Variants in DCAF1 observed in about 807,000 individuals in gnomAD.
DCAF1 encodes DDB1 and CUL4 associated factor 1, also known as DDB1- and CUL4-associated factor 1.
In DCAF1, 15 loss-of-function variants were observed where a neutral mutation model predicts 128.0. The observed-to-expected ratio is 0.12, with a 90% CI of 0.08 to 0.18. The LOEUF (loss-of-function observed/expected upper bound fraction) is 0.18, where lower values mean the gene tolerates loss of function less well. Ranked by LOEUF, DCAF1 falls within the 10% of genes least tolerant of loss-of-function variation. The pLI is 1.00. For missense variants in DCAF1, 988 were observed against 1,649.5 expected (o/e 0.60, Z 6.95); for synonymous variants, 610 against 603.0 (o/e 1.01, Z -0.17).
intron 3 of DCAF1, among the ~76,000 whole-genome samples, chr3:51,480,188 A>C (rs1706000841): frequency 6.6e-6 from 1 of 152,060 alleles, no homozygotes; most frequent in African/African-American, 2.4e-5. Context: ...AAGGTTTTAC[A>C]GACATGATTC....
intron 22 of DCAF1, 109 bp downstream of exon 22, chr3:51,412,884 G>T: frequency 1.3e-6 from 2 of 1,487,816 alleles, no homozygotes; most frequent in East Asian, 2.4e-5. Flanking sequence ...TCTACCTTCA[G>T]GAATGTATTG....
rs1704178514 is a variant in DCAF1 at position 51,466,884 on chromosome 3, G to A, written c.188-8C>T. On this transcript the variant is annotated splice_region_variant and splice_polypyrimidine_tract_variant and intron_variant, in intron 4 of 24. Transcript: ENST00000684031. ...ACTCTGGATCAGCTCGACCTACCAA[G>A]AGAAGAGGGGAGGAACAAACAAAGG... 1 of 1,613,328 alleles carries A rather than the reference G, an allele frequency of 6.2e-7. No homozygotes were observed. The highest frequency in any genetic ancestry group is 1.7e-5 in the Admixed American group (1 of 59,954).
chr3:51,439,168 C>CCTGT (rs1381479165), intron 9 of DCAF1, among the ~76,000 whole-genome samples: 1 of 151,914 alleles, frequency 6.6e-6, no homozygotes, highest in Admixed American at 6.6e-5. Flanking sequence ...AGAGTCTCAC[C>CCTGT]CTGTCGCTCA....
chr3:51,466,564 A>G (rs1704149999), intron 5 of DCAF1, among the ~76,000 whole-genome samples: 1 of 152,068 alleles, frequency 6.6e-6, no homozygotes, highest in Non-Finnish European at 1.5e-5. Flanking sequence ...GAGGGCCCCT[A>G]TATTCTCAAA....
intron 3 of DCAF1, among the ~76,000 whole-genome samples, chr3:51,471,951 T>C (rs554599255): frequency 9.7e-4 from 147 of 152,214 alleles, no homozygotes; most frequent in Non-Finnish European, 2.0e-3. Flanking sequence ...CTGACTCACA[T>C]CACTTCTCTA....
intron 1 of DCAF1, among the ~76,000 whole-genome samples, chr3:51,497,586 CAAAAAAAAGA>C (rs1354192678): frequency 6.8e-6 from 1 of 147,920 alleles, no homozygotes; most frequent in Non-Finnish European, 1.5e-5. Context: ...GACTCCGTCT[CAAAAAAAAGA>C]AAAAAAAATT....
intron 24 of DCAF1, among the ~76,000 whole-genome samples, chr3:51,399,447 T>G (rs376885900): frequency 6.6e-6 from 1 of 152,108 alleles, no homozygotes; most frequent in Non-Finnish European, 1.5e-5. Flanking sequence ...ACAAGAGAAG[T>G]AGCTACCCAT....
upstream of DCAF1, among the ~76,000 whole-genome samples, chr3:51,503,466 C>T (rs1553664745): frequency 6.6e-6 from 1 of 152,180 alleles, no homozygotes; most frequent in Non-Finnish European, 1.5e-5. Flanking sequence ...ACAAGCCCAT[C>T]CTCACCCTGG....
At chr3:51,446,518 C>A (rs1255187215) in intron 6 of DCAF1, among the ~76,000 whole-genome samples, 4 of 152,022 alleles carry the variant, frequency 2.6e-5, no homozygotes, top group African/African-American at 9.7e-5. Context: ...ATAGTTCACG[C>A]TACTTGGGAG....
At chr3:51,421,532 C>T (rs56175329) in intron 14 of DCAF1, among the ~76,000 whole-genome samples, 57,292 of 152,084 alleles carry the variant, frequency 0.38, 13,733 homozygotes, top group Non-Finnish European at 0.52. Context: ...TTTGGGATTA[C>T]AGGTGTGAGC....
intron 2 of DCAF1, among the ~76,000 whole-genome samples, chr3:51,494,087 G>C (rs2108558608): frequency 6.6e-6 from 1 of 151,360 alleles, no homozygotes; most frequent in East Asian, 1.9e-4. Context: ...AAAATGGGCA[G>C]TGACTGCTAA....
chr3:51,473,649 G>A (rs1553649330), intron 3 of DCAF1, among the ~76,000 whole-genome samples: 1 of 151,670 alleles, frequency 6.6e-6, no homozygotes, highest in East Asian at 1.9e-4. Context: ...CTGAATAACT[G>A]GGACTACAGG....
At position 51,458,529 on chromosome 3, in the gene DCAF1, C is replaced by T. The variant is rs1388453382; in HGVS notation, c.375+4585G>A. 6.0e-4 allele frequency among the ~76,000 whole-genome samples: 92 copies of T among 152,190 alleles called. 1 individual carries two copies. Among genetic ancestry groups the T allele is most frequent in the Admixed American group, 1.8e-3 (28 of 15,256 alleles). ...ACGAGACAGAAAGTTAACAAGGATA[C>T]CCAGGAATTGAACTCAGCTCTGCAT... On this transcript the variant is annotated intron_variant, in intron 6 of 24. Coordinates refer to ENST00000684031, the MANE Select transcript of DCAF1 (RefSeq NM_001387579.1).
At chr3:51,409,281 GC>G (rs1698185422) in intron 23 of DCAF1, among the ~76,000 whole-genome samples, 2 of 152,106 alleles carry the variant, frequency 1.3e-5, no homozygotes, top group Admixed American at 1.3e-4. Context: ...TCCACAGCCA[GC>G]CACCAACCTC....
At chr3:51,497,109 A>G (rs1553661303) in intron 1 of DCAF1, among the ~76,000 whole-genome samples, 1 of 152,048 alleles carries the variant, frequency 6.6e-6, no homozygotes, top group African/African-American at 2.4e-5. Flanking sequence ...AGCCTGGCCA[A>G]CGCGGCAAAT....
chr3:51,475,736 CTG>C (rs1705360015), intron 3 of DCAF1, among the ~76,000 whole-genome samples: 1 of 152,204 alleles, frequency 6.6e-6, no homozygotes, highest in Admixed American at 6.5e-5. Context: ...TGGCAGGCGC[CTG>C]TAGTCCCAGC....
intron 6 of DCAF1, among the ~76,000 whole-genome samples, chr3:51,452,498 T>C (rs1298966545): frequency 1.3e-5 from 2 of 152,172 alleles, no homozygotes; most frequent in Non-Finnish European, 2.9e-5. Flanking sequence ...TCCAATCTAA[T>C]GCACAATGGA....
intron 6 of DCAF1, 48 bp downstream of exon 6, chr3:51,463,066 A>G: frequency 7.7e-7 from 1 of 1,302,958 alleles, no homozygotes; most frequent in Non-Finnish European, 1.1e-6. Context: ...CAAATACATC[A>G]TAATTCAATT....
intron 23 of DCAF1, 124 bp from the exon 24 acceptor site, chr3:51,403,519 G>C: frequency 6.9e-7 from 1 of 1,447,296 alleles, no homozygotes. Context: ...TGATCTAGAC[G>C]AGCACAGACT....
Sources: gnomAD v4.1 joint callset for allele counts (sites outside exome capture counted in the v4.1 genomes callset) on GRCh38, gnomAD v4.1.1 for gene constraint, MANE v1.5 for transcripts, NCBI Gene and HGNC (gene_info 2026-07-23, HGNC 2026-07-21) for gene names.